The following TMEM217B variants were observed in gnomAD, a reference collection of about 807,000 sequenced individuals.
The protein encoded by TMEM217B is putative transmembrane protein 217B.
the TMEM217B span, among the ~76,000 whole-genome samples, chr6:37,222,482 C>A: frequency 1.3e-5 from 2 of 152,198 alleles, no homozygotes; most frequent in Non-Finnish European, 2.9e-5. Context: ...TGCAGAGACG[C>A]CCGGGTCCTG....
At chr6:37,248,294 G>A in the TMEM217B span, among the ~76,000 whole-genome samples, 515 of 152,212 alleles carry the variant, frequency 3.4e-3, 2 homozygotes, top group African/African-American at 0.011. Context: ...TTAGTGCCAG[G>A]AATACAGTAG....
chr6:37,225,652 T>C, the TMEM217B span, among the ~76,000 whole-genome samples: 2 of 152,212 alleles, frequency 1.3e-5, no homozygotes, highest in Admixed American at 6.5e-5. Flanking sequence ...AAATTTTGGG[T>C]TCCCATTGGT....
chr6:37,226,265 G>GT, the TMEM217B span, among the ~76,000 whole-genome samples: 44 of 75,168 alleles, frequency 5.9e-4, no homozygotes, highest in African/African-American at 2.0e-3. Context: ...GTTTTATTTT[G>GT]TTTTTTTGAG....
At chr6:37,237,821 C>CT in the TMEM217B span, among the ~76,000 whole-genome samples, 7 of 152,116 alleles carry the variant, frequency 4.6e-5, no homozygotes, top group African/African-American at 1.7e-4. Context: ...TATACACACA[C>CT]ACTACACACA....
chr6:37,252,638 T>TATATA, the TMEM217B span, among the ~76,000 whole-genome samples: 1 of 43,534 alleles, frequency 2.3e-5, no homozygotes, highest in Non-Finnish European at 3.9e-5. Context: ...TATATATATA[T>TATATA]TTTTTTTTTT....
At chr6:37,234,360 A>G in the TMEM217B span, among the ~76,000 whole-genome samples, 582 of 152,320 alleles carry the variant, frequency 3.8e-3, 2 homozygotes, top group Non-Finnish European at 5.6e-3. Flanking sequence ...TTGGCCTCCC[A>G]AAGTGCTGAA....
chr6:37,215,570 C>CTAAAAA, the TMEM217B span, among the ~76,000 whole-genome samples: 1 of 72,376 alleles, frequency 1.4e-5, no homozygotes, highest in Non-Finnish European at 2.4e-5. Flanking sequence ...GACTCTGTCT[C>CTAAAAA]AAAAAAAAAA....
At chr6:37,240,302 G>A in the TMEM217B span, among the ~76,000 whole-genome samples, 1 of 152,198 alleles carries the variant, frequency 6.6e-6, no homozygotes, top group African/African-American at 2.4e-5. Context: ...GGCCTGGGCT[G>A]GGGGCCATCT....
chr6:37,256,464 A>G, the TMEM217B span, among the ~76,000 whole-genome samples: 1 of 152,228 alleles, frequency 6.6e-6, no homozygotes, highest in East Asian at 1.9e-4. Context: ...AAGTAAAATA[A>G]TTAAAAGAAT....
the TMEM217B span, among the ~76,000 whole-genome samples, chr6:37,213,746 G>A: frequency 6.6e-6 from 1 of 152,226 alleles, no homozygotes; most frequent in Admixed American, 6.5e-5. Flanking sequence ...GATAATGGGG[G>A]ACCTAAGGCT....
At chr6:37,236,647 G>T in the TMEM217B span, among the ~76,000 whole-genome samples, 9 of 136,664 alleles carry the variant, frequency 6.6e-5, no homozygotes, top group East Asian at 1.9e-3. Context: ...TCTTTAAATT[G>T]GATGTGCCAG....
chr6:37,226,255 G>GT, the TMEM217B span, among the ~76,000 whole-genome samples: 105 of 68,598 alleles, frequency 1.5e-3, no homozygotes, highest in African/African-American at 4.4e-3. Context: ...GTTTTGTTTT[G>GT]TTTTATTTTG....
chr6:37,245,768 C>T, the TMEM217B span, among the ~76,000 whole-genome samples: 1 of 150,110 alleles, frequency 6.7e-6, no homozygotes, highest in East Asian at 2.0e-4. Flanking sequence ...ATCTACTAGC[C>T]TCTCATTTTC....
the TMEM217B span, among the ~76,000 whole-genome samples, chr6:37,222,793 G>A: frequency 1.3e-5 from 2 of 152,226 alleles, no homozygotes; most frequent in Admixed American, 1.3e-4. Context: ...AGTAGCACCC[G>A]GTGAGTTCCC....
the TMEM217B span, among the ~76,000 whole-genome samples, chr6:37,226,387 G>C: frequency 7.0e-6 from 1 of 143,262 alleles, no homozygotes; most frequent in Non-Finnish European, 1.5e-5. Flanking sequence ...CCGCCTCCCG[G>C]GTTCACGCCA....
chr6:37,228,262 G>T, the TMEM217B span, among the ~76,000 whole-genome samples: 1 of 152,308 alleles, frequency 6.6e-6, no homozygotes, highest in Non-Finnish European at 1.5e-5. Context: ...AAAGTTACTA[G>T]GGAGTAGTAG....
chr6:37,223,014 G>A, the TMEM217B span, among the ~76,000 whole-genome samples: 3 of 152,194 alleles, frequency 2.0e-5, no homozygotes, highest in Non-Finnish European at 4.4e-5. Context: ...ATGGTAGCAG[G>A]TTGGACACAG....
chr6:37,225,292 G>A, the TMEM217B span, among the ~76,000 whole-genome samples: 1 of 152,106 alleles, frequency 6.6e-6, no homozygotes, highest in Non-Finnish European at 1.5e-5. Flanking sequence ...GCAGGGATAG[G>A]GGCAGGGGCA....
At chr6:37,239,144 G>T in the TMEM217B span, among the ~76,000 whole-genome samples, 2 of 151,674 alleles carry the variant, frequency 1.3e-5, no homozygotes, top group Non-Finnish European at 1.5e-5. Context: ...AAAAACAAAA[G>T]CCGTATGTCT....
Sources: allele counts gnomAD v4.1 joint callset (sites outside exome capture counted in the v4.1 genomes callset), GRCh38; gene constraint gnomAD v4.1.1; transcripts MANE v1.5; gene names NCBI Gene and HGNC (gene_info 2026-07-23, HGNC 2026-07-21).